HROB: variants seen among roughly 807,000 people sequenced by gnomAD.
HROB encodes homologous recombination OB-fold protein.
In HROB, 44 loss-of-function variants were observed where a neutral mutation model predicts 61.0. That is an observed-to-expected ratio of 0.72 (90% CI 0.57 to 0.93). HROB has a LOEUF of 0.93. Among genes scored for constraint, HROB ranks in the 40% least tolerant of loss-of-function variants. HROB has a pLI of 0.00. For synonymous variants in HROB, 301 were observed against 310.4 expected, an observed-to-expected ratio of 0.97 and a Z score of 0.32; for missense variants, 716 against 796.2, an observed-to-expected ratio of 0.90 and a Z score of 1.21.
Position 44,148,830 on chromosome 17 carries a change from C to A in HROB, c.1027C>A (p.Gln343Lys), listed in dbSNP as rs766866793. The A allele has an allele frequency of 6.2e-7, 1 of 1,614,214 alleles. No homozygotes were observed. The highest frequency in any genetic ancestry group is 1.1e-5 in the South Asian group (1 of 91,086). Residue 343 changes from glutamine to lysine, a missense_variant, in exon 3 of 10, where the codon CAA becomes AAA. Gln to Lys is a moderately conservative substitution (Grantham distance 53). Transcript: ENST00000585683. Reference sequence around the variant, plus strand: ...ATTTCCTCGGATACCCTTACAACCGCAAGCTCCAGTGTCTTCCATTGGGTC... The same window carrying A: ...ATTTCCTCGGATACCCTTACAACCGAAAGCTCCAGTGTCTTCCATTGGGTC... ...GLFPRIPLQP[Q>K]APVSSIGSPV...
At chr17:44,150,614 C>T (rs997368389) in intron 3 of HROB, among the ~76,000 whole-genome samples, 1 of 152,082 alleles carries the variant, frequency 6.6e-6, no homozygotes, top group African/African-American at 2.4e-5. Flanking sequence ...TGGTCTCGAA[C>T]TCCTGACCTC....
chr17:44,159,873 A>G (rs1381622134), intron 9 of HROB, among the ~76,000 whole-genome samples: 2 of 152,254 alleles, frequency 1.3e-5, no homozygotes, highest in Admixed American at 1.3e-4. Flanking sequence ...GAGCGTGACC[A>G]CTGAAGCACA....
At chr17:44,161,202 C>CAAAAA (rs35777921) in intron 9 of HROB, among the ~76,000 whole-genome samples, 3 of 125,432 alleles carry the variant, frequency 2.4e-5, no homozygotes, top group Non-Finnish European at 5.4e-5. Context: ...GACTCTGTCT[C>CAAAAA]AAAAAAAAAA....
Position 44,148,479 on chromosome 17 carries a change from C to G in HROB, c.676C>G (p.Gln226Glu). ...AIHKAGIMSAQDESLDPVIQC... is the reference protein window; with the variant it reads ...AIHKAGIMSAEDESLDPVIQC... ...CCACAAAGCGGGTATCATGTCCGCC[C>G]AGGATGAGTCTCTAGATCCTGTCAT... Residue 226 changes from glutamine to glutamate, a missense_variant, in exon 3 of 10, where the codon CAG becomes GAG. Gln to Glu is a conservative substitution (Grantham distance 29). Transcript: ENST00000585683. 7.4e-6 allele frequency: 12 copies of G among 1,614,148 alleles called. No homozygotes were observed. Among genetic ancestry groups the G allele is most frequent in the Non-Finnish European group, 1.0e-5 (12 of 1,180,026 alleles).
intron 4 of HROB, among the ~76,000 whole-genome samples, chr17:44,151,821 ATTATGTTATT>A (rs201505203): frequency 0.015 from 2,339 of 151,528 alleles, 46 homozygotes; most frequent in African/African-American, 0.05. Context: ...ATTTTATTTT[ATTATGTTATT>A]TTATGTTATT....
intron 1 of HROB, among the ~76,000 whole-genome samples, chr17:44,142,466 CTTTTT>C (rs1156855939): frequency 2.9e-5 from 4 of 137,852 alleles, no homozygotes; most frequent in Non-Finnish European, 6.3e-5. Flanking sequence ...ACACTTTCTA[CTTTTT>C]TTTTTTTTTT....
chr17:44,149,481 T>G (rs1244008361), intron 3 of HROB, among the ~76,000 whole-genome samples: 1 of 152,200 alleles, frequency 6.6e-6, no homozygotes. Flanking sequence ...ACTCCTGACC[T>G]CAAGTGATCT....
intron 3 of HROB, 87 bp from the exon 4 acceptor site, chr17:44,150,874 A>T (rs1231037486): frequency 2.7e-6 from 3 of 1,125,550 alleles, no homozygotes; most frequent in Non-Finnish European, 4.0e-6. Flanking sequence ...CATTTCCTGA[A>T]CTCATTATGT....
At chr17:44,152,437 A>G (rs1189104784) in intron 4 of HROB, among the ~76,000 whole-genome samples, 200 bp from the exon 5 acceptor site, 1 of 152,138 alleles carries the variant, frequency 6.6e-6, no homozygotes, top group Non-Finnish European at 1.5e-5. Flanking sequence ...GAAAAAAAAA[A>G]AAGAAAAAGA....
chr17:44,142,101 G>C lies in HROB; in HGVS notation c.-42G>C, dbSNP rs1368829862. 4 of 1,530,700 alleles carry C rather than the reference G, an allele frequency of 2.6e-6. No homozygotes were observed. In the Admixed American group the frequency reaches 7.9e-5, roughly 30 times the overall value. The allele number at this position is 1,530,700 out of a possible 1,614,324, so 94.8% of individuals were successfully genotyped here. Reference sequence around the variant, plus strand: ...GCCCCGGCGACTCCCCGGACTCGGGGTGCCGGGCCAACCTCCCCGCCGAGG... The same window carrying C: ...GCCCCGGCGACTCCCCGGACTCGGGCTGCCGGGCCAACCTCCCCGCCGAGG... On this transcript the variant is annotated 5_prime_UTR_variant, in exon 1 of 10. Coordinates refer to ENST00000585683, the MANE Select transcript of HROB (RefSeq NM_001171251.3).
At chr17:44,161,384 A>G (rs1040780197) in intron 9 of HROB, among the ~76,000 whole-genome samples, 1 of 152,176 alleles carries the variant, frequency 6.6e-6, no homozygotes, top group Non-Finnish European at 1.5e-5. Flanking sequence ...CTCGGACATA[A>G]GTACCACATC....
intron 8 of HROB, among the ~76,000 whole-genome samples, chr17:44,157,464 A>G (rs1598107759): frequency 7.7e-6 from 1 of 129,216 alleles, no homozygotes; most frequent in Non-Finnish European, 1.5e-5. Flanking sequence ...CCCAGGCTGG[A>G]GTGCAGTGGC....
At chr17:44,157,117 A>G (rs2053993156) in intron 8 of HROB, among the ~76,000 whole-genome samples, 1 of 152,142 alleles carries the variant, frequency 6.6e-6, no homozygotes, top group Non-Finnish European at 1.5e-5. Context: ...AGTTTTAATT[A>G]CCTGCCCATA....
In HROB at chr17:44,148,989, C is replaced by T. The variant is rs748828144; in HGVS notation, c.1186C>T (p.Arg396Cys). The change falls in exon 3 of 10, where the codon CGC becomes TGC. Residue 396 changes from arginine to cysteine, a missense_variant. Transcript: ENST00000585683. ...CCATCCCTCCACCCGAGCCAAAACT[C>T]GCCGTTTCCCTGGCCCAGCTGGGAT... Reference protein sequence around the residue: ...PTHPSTRAKTRRFPGPAGILP... With the variant: ...PTHPSTRAKTCRFPGPAGILP... 22 of 1,613,866 alleles carry T rather than the reference C, an allele frequency of 1.4e-5. No homozygotes were observed. Among genetic ancestry groups the T allele is most frequent in the African/African-American group, 2.7e-5 (2 of 74,906 alleles).
At chr17:44,161,052 A>G (rs1040733490) in intron 9 of HROB, among the ~76,000 whole-genome samples, 1 of 152,154 alleles carries the variant, frequency 6.6e-6, no homozygotes, top group Admixed American at 6.5e-5. Context: ...AATATAAAAA[A>G]TTAGCCAGGC....
chr17:44,162,092 C>T lies in HROB; in HGVS notation c.*160C>T. 1 of 712,120 alleles carries T rather than the reference C, an allele frequency of 1.4e-6. No homozygotes were observed. The highest frequency in any genetic ancestry group is 2.3e-6 in the Non-Finnish European group (1 of 436,408). 44.1% of individuals were successfully genotyped at this position (712,120 alleles called of 1,614,324 possible). ...CCTGGGTGTTTTCCCTGAGAGCCCC[C>T]TCATCTCTGCGCTGCCCTCACTTTG... On this transcript the variant is annotated 3_prime_UTR_variant, in exon 10 of 10. Transcript: ENST00000585683.
Position 44,148,758 on chromosome 17 carries a change from A to G in HROB, c.955A>G (p.Thr319Ala), listed in dbSNP as rs1169693554. The change falls in exon 3 of 10, where the codon ACT (threonine) becomes GCT (alanine). Residue 319 changes from threonine (T) to alanine (A), a missense_variant. Coordinates refer to ENST00000585683, the MANE Select transcript of HROB (RefSeq NM_001171251.3). ...SGKAHLPRPRTPNSSCSTPSR... is the reference protein window; with the variant it reads ...SGKAHLPRPRAPNSSCSTPSR... ...CAAAGCTCATTTACCCAGACCTCGAACTCCCAACTCAAGCTGTTCTACTCC... is the reference window on the plus strand; with the variant it reads ...CAAAGCTCATTTACCCAGACCTCGAGCTCCCAACTCAAGCTGTTCTACTCC... The G allele has an allele frequency of 6.2e-7, 1 of 1,613,922 alleles. No homozygotes were observed. The highest frequency in any genetic ancestry group is 1.7e-5 in the Admixed American group (1 of 59,984).
At chr17:44,147,701 G>T (rs977573767) in intron 2 of HROB, 157 bp from the exon 3 acceptor site, 6 of 728,066 alleles carry the variant, frequency 8.2e-6, no homozygotes, top group Non-Finnish European at 1.1e-5. Context: ...CTCCCAAAGT[G>T]CTGGGATTAC....
intron 1 of HROB, among the ~76,000 whole-genome samples, chr17:44,142,653 C>G (rs931873296): frequency 1.3e-5 from 2 of 151,918 alleles, no homozygotes; most frequent in Non-Finnish European, 2.9e-5. Context: ...GGCACCACCT[C>G]TGATCTGGGT....
Sources: gnomAD v4.1 joint callset for allele counts (sites outside exome capture counted in the v4.1 genomes callset) on GRCh38, gnomAD v4.1.1 for gene constraint, MANE v1.5 for transcripts, NCBI Gene and HGNC (gene_info 2026-07-23, HGNC 2026-07-21) for gene names.